Variants in LRP1B observed in about 807,000 individuals in gnomAD.
LRP1B encodes LDL receptor related protein 1B.
A neutral mutation model predicts 556.6 loss-of-function variants in LRP1B; 217 were observed. The observed-to-expected ratio is 0.39, with a 90% CI of 0.35 to 0.44. The LOEUF is 0.44. LRP1B is among the 20% of genes least tolerant of loss of function. LRP1B has a pLI of 1.00. For missense variants in LRP1B, 5,053 were observed against 5,620.8 expected, an observed-to-expected ratio of 0.90 and a Z score of 3.23; for synonymous variants, 2,047 against 1,865.8, an observed-to-expected ratio of 1.10 and a Z score of -2.50.
chr2:141,937,996 A>G (rs989632658), intron 1 of LRP1B, among the ~76,000 whole-genome samples: 1 of 152,050 alleles, frequency 6.6e-6, no homozygotes, highest in Admixed American at 6.6e-5. Context: ...AGTTTAGTAG[A>G]TGGTGTGTTT....
At chr2:141,515,317 A>G (rs13019879) in intron 2 of LRP1B, among the ~76,000 whole-genome samples, 34,885 of 150,088 alleles carry the variant, frequency 0.23, 5,210 homozygotes, top group East Asian at 0.48. Context: ...AAAAAAAAAA[A>G]GAAGTATCCC....
intron 1 of LRP1B, among the ~76,000 whole-genome samples, chr2:141,829,667 T>G (rs935376019): frequency 1.3e-5 from 2 of 152,026 alleles, no homozygotes; most frequent in African/African-American, 4.8e-5. Context: ...GAACACCTCG[T>G]ATTTTTTTTC....
At chr2:140,822,926 T>A (rs1691376501) in intron 31 of LRP1B, among the ~76,000 whole-genome samples, 1 of 152,208 alleles carries the variant, frequency 6.6e-6, no homozygotes, top group Non-Finnish European at 1.5e-5. Context: ...GGAAAAGAAC[T>A]TCTTCCAGAA....
At chr2:140,251,332 AAT>A (rs1681405806) in intron 86 of LRP1B, among the ~76,000 whole-genome samples, 1 of 151,866 alleles carries the variant, frequency 6.6e-6, no homozygotes, top group Non-Finnish European at 1.5e-5. Flanking sequence ...TTACAAAGAG[AAT>A]TAAAATGAGA....
At chr2:141,145,185 TATTAG>T (rs1306834570) in intron 7 of LRP1B, among the ~76,000 whole-genome samples, 2 of 152,226 alleles carry the variant, frequency 1.3e-5, no homozygotes, top group East Asian at 3.8e-4. Context: ...TGTCAATCAC[TATTAG>T]TTTAGTCTAA....
intron 31 of LRP1B, among the ~76,000 whole-genome samples, chr2:140,830,651 G>C (rs901850080): frequency 6.6e-6 from 1 of 152,020 alleles, no homozygotes; most frequent in African/African-American, 2.4e-5. Context: ...ACTTCATACT[G>C]AGTGGAGAAA....
intron 1 of LRP1B, among the ~76,000 whole-genome samples, chr2:141,964,398 T>C (rs1368295760): frequency 6.9e-6 from 1 of 145,808 alleles, no homozygotes; most frequent in Non-Finnish European, 1.5e-5. Context: ...AAAACAGAGA[T>C]ATAGATCAAT....
At chr2:140,472,353 T>C (rs1344791176) in intron 60 of LRP1B, among the ~76,000 whole-genome samples, 1 of 152,172 alleles carries the variant, frequency 6.6e-6, no homozygotes, top group Non-Finnish European at 1.5e-5. Flanking sequence ...TTTTTTACTG[T>C]ATCATTATAT....
intron 21 of LRP1B, among the ~76,000 whole-genome samples, chr2:140,909,611 G>A (rs1694357199): frequency 6.6e-6 from 1 of 151,056 alleles, no homozygotes; most frequent in Non-Finnish European, 1.5e-5. Flanking sequence ...AACCAATAAT[G>A]TTGTTCTGTA....
chr2:141,357,416 A>G (rs770042136), intron 3 of LRP1B, among the ~76,000 whole-genome samples: 1 of 152,202 alleles, frequency 6.6e-6, no homozygotes, highest in Non-Finnish European at 1.5e-5. Context: ...TCAAAATGTG[A>G]TTCCTGAAAC....
At chr2:141,085,637 T>C (rs993242453) in intron 7 of LRP1B, among the ~76,000 whole-genome samples, 9 of 152,150 alleles carry the variant, frequency 5.9e-5, no homozygotes, top group African/African-American at 2.2e-4. Flanking sequence ...ACAAAACGAA[T>C]TTCTGTTGTT....
intron 34 of LRP1B, among the ~76,000 whole-genome samples, chr2:140,770,547 A>C (rs909917440): frequency 6.6e-6 from 1 of 151,982 alleles, no homozygotes; most frequent in Non-Finnish European, 1.5e-5. Context: ...CAAATTCTAC[A>C]TTAATTCCAG....
chr2:141,617,019 T>A (rs556550779), intron 2 of LRP1B, among the ~76,000 whole-genome samples: 11 of 152,226 alleles, frequency 7.2e-5, no homozygotes, highest in Non-Finnish European at 1.3e-4. Flanking sequence ...CATTAATCCA[T>A]CTGCCATGCC....
In LRP1B at chr2:141,229,244, C is replaced by T. The variant is rs770394521; in HGVS notation, c.789G>A (p.Gln263=). 1.9e-6 allele frequency: 3 copies of T among 1,612,382 alleles called. No homozygotes were observed. The highest frequency in any genetic ancestry group is 2.5e-6 in the Non-Finnish European group (3 of 1,178,694). Residue 263 remains glutamine, a synonymous_variant, in exon 6 of 91, where the codon CAG becomes CAA. Transcript: ENST00000389484. Reference sequence around the variant, plus strand: ...CTGTTAATCCTCCTGCTTTTGTTATCTGGATACATTTGAGTTGATTTGAAG... The same window carrying T: ...CTGTTAATCCTCCTGCTTTTGTTATTTGGATACATTTGAGTTGATTTGAAG... ...RESSNQLKCI[Q]ITKAGGLTDE...
intron 6 of LRP1B, among the ~76,000 whole-genome samples, chr2:141,207,436 T>C (rs1313355625): frequency 6.6e-6 from 1 of 152,210 alleles, no homozygotes; most frequent in Non-Finnish European, 1.5e-5. Flanking sequence ...TGGTAATGAA[T>C]TATTCTTACT....
chr2:141,290,815 C>T (rs1039209932), intron 3 of LRP1B, among the ~76,000 whole-genome samples: 9 of 152,014 alleles, frequency 5.9e-5, no homozygotes, highest in Non-Finnish European at 8.8e-5. Flanking sequence ...TACTATGTAG[C>T]TGGTGATTAA....
chr2:141,590,801 C>A (rs1417954989), intron 2 of LRP1B, among the ~76,000 whole-genome samples: 1 of 152,126 alleles, frequency 6.6e-6, no homozygotes, highest in African/African-American at 2.4e-5. Flanking sequence ...AAATCATTGC[C>A]ACATGACAGT....
At chr2:140,415,661 T>C (rs1685165481) in intron 66 of LRP1B, among the ~76,000 whole-genome samples, 2 of 152,168 alleles carry the variant, frequency 1.3e-5, no homozygotes, top group African/African-American at 4.8e-5. Context: ...AATGCGTCCA[T>C]TCCTCACCTA....
At chr2:140,682,980 C>T (rs1685916725) in intron 41 of LRP1B, among the ~76,000 whole-genome samples, 2 of 152,010 alleles carry the variant, frequency 1.3e-5, no homozygotes, top group African/African-American at 4.8e-5. Flanking sequence ...GAAAGAAAAC[C>T]CTTCATTAGA....
Sources: gnomAD v4.1 joint callset for allele counts (sites outside exome capture counted in the v4.1 genomes callset) on GRCh38, gnomAD v4.1.1 for gene constraint, MANE v1.5 for transcripts, NCBI Gene and HGNC (gene_info 2026-07-23, HGNC 2026-07-21) for gene names.